Variants in HS1BP3 observed in about 807,000 individuals in gnomAD.
HS1BP3 encodes the protein HCLS1-binding protein 3.
HS1BP3 carries 32 observed loss-of-function variants against 33.5 expected under a neutral mutation model. The observed-to-expected ratio is 0.95, with a 90% CI of 0.72 to 1.28. The LOEUF (loss-of-function observed/expected upper bound fraction) is 1.28. HS1BP3 is among the 50% of genes most tolerant of loss of function. The pLI is 0.00. For missense variants in HS1BP3, 486 were observed against 502.3 expected, an observed-to-expected ratio of 0.97 and a Z score of 0.31; for synonymous variants, 187 against 209.2, an observed-to-expected ratio of 0.89 and a Z score of 0.92.
intron 5 of HS1BP3, among the ~76,000 whole-genome samples, chr2:20,567,625 C>T (rs553158447): frequency 6.6e-6 from 1 of 152,292 alleles, no homozygotes; most frequent in African/African-American, 2.4e-5. Context: ...ACTAGGACCC[C>T]AAAGAATGCC....
intron 2 of HS1BP3, among the ~76,000 whole-genome samples, chr2:20,601,699 C>T (rs1369806233): frequency 6.6e-6 from 1 of 151,760 alleles, no homozygotes; most frequent in African/African-American, 2.4e-5. Flanking sequence ...TGAGGCCTCC[C>T]CAGCCATGTG....
At chr2:20,625,692 C>T (rs932654714) in intron 4 of HS1BP3, among the ~76,000 whole-genome samples, 11 of 152,162 alleles carry the variant, frequency 7.2e-5, no homozygotes, top group African/African-American at 1.9e-4. Context: ...GTGCACTTGC[C>T]GACTGGCTGA....
At chr2:20,640,650 G>A (rs1695309530) in intron 3 of HS1BP3, 2 of 534,318 alleles carry the variant, frequency 3.7e-6, no homozygotes, top group African/African-American at 1.9e-5. Flanking sequence ...TCAGGGGGTT[G>A]TATGTGGTGC....
intron 4 of HS1BP3, among the ~76,000 whole-genome samples, chr2:20,630,113 G>A (rs1694925463): frequency 6.6e-6 from 1 of 152,228 alleles, no homozygotes; most frequent in African/African-American, 2.4e-5. Context: ...CCACAACTGA[G>A]ACACATGGAC....
chr2:20,593,317 G>T (rs4666434), intron 3 of HS1BP3, among the ~76,000 whole-genome samples: 118 of 152,158 alleles, frequency 7.8e-4, no homozygotes, highest in African/African-American at 2.4e-3. Context: ...CACACGTGCC[G>T]GCCTTCTCCT....
chr2:20,634,877 G>T (rs1272832544), intron 4 of HS1BP3: 1 of 152,254 alleles, frequency 6.6e-6, no homozygotes, highest in Non-Finnish European at 1.5e-5. Flanking sequence ...GGACCCGGGT[G>T]TGGGCTCCCC....
At chr2:20,644,483 A>G (rs753425290) in intron 2 of HS1BP3, among the ~76,000 whole-genome samples, 35 of 152,214 alleles carry the variant, frequency 2.3e-4, no homozygotes, top group Admixed American at 1.7e-3. Flanking sequence ...AGCCTCATGT[A>G]TCCATCCACA....
chr2:20,589,291 C>T (rs866126012), downstream of HS1BP3, among the ~76,000 whole-genome samples: 6 of 152,216 alleles, frequency 3.9e-5, 1 homozygote, highest in African/African-American at 7.2e-5. Context: ...CACCCTGCAG[C>T]GTGCCAATGT....
intron 2 of HS1BP3, chr2:20,606,592 G>A (rs1001909311): frequency 1.4e-5 from 7 of 484,988 alleles, no homozygotes; most frequent in Non-Finnish European, 2.5e-5. Flanking sequence ...TGCTCACTGG[G>A]TCTTTGTCTT....
rs576265957 is a variant in HS1BP3 at position 20,618,826 on chromosome 2, C to A, written c.*161G>T. On this transcript the variant is annotated 3_prime_UTR_variant, in exon 7 of 7. Transcript: ENST00000304031. The stretch of plus-strand genomic sequence containing the variant: ...GGCTTCTACTTTGGCCCCACAGCCC[C>A]GGAGAAAATGGAACCATGCAGTTCT... 69 of 1,422,422 alleles carry A rather than the reference C, an allele frequency of 4.9e-5. No individual in the cohort carries two copies. Among genetic ancestry groups the A allele is most frequent in the Admixed American group, 6.2e-5 (2 of 32,166 alleles). 88.1% of individuals were successfully genotyped at this position (1,422,422 alleles called of 1,614,324 possible).
chr2:20,619,365 C>G lies in HS1BP3; in HGVS notation c.921-120G>C, dbSNP rs948299227. 6.3e-5 allele frequency: 53 copies of G among 845,916 alleles called. No individual in the cohort carries two copies. In the African/African-American group the frequency reaches 7.0e-4, roughly 11 times the overall value. 52.4% of individuals were successfully genotyped at this position (845,916 alleles called of 1,614,324 possible). A position where few individuals can be genotyped will look rare whatever the true frequency, so the allele number is the denominator to read the frequency against. On this transcript the variant is annotated intron_variant, in intron 6 of 6. Transcript: ENST00000304031. ...CAGCGGCAGGGAGCCCAGCCTCGGC[C>G]AGGTCAAGGCCCCGCCCTGCTCTGC...
intron 2 of HS1BP3, among the ~76,000 whole-genome samples, chr2:20,644,026 T>C (rs1695440303): frequency 6.6e-6 from 1 of 152,204 alleles, no homozygotes; most frequent in Non-Finnish European, 1.5e-5. Flanking sequence ...TCGTTTCCCT[T>C]TTTATCTTGG....
In HS1BP3 at chr2:20,647,821, G is replaced by A. The variant is rs185186815; in HGVS notation, c.33-2316C>T. On this transcript the variant is annotated intron_variant, in intron 1 of 6. Coordinates refer to ENST00000304031, the MANE Select transcript of HS1BP3 (RefSeq NM_022460.4). Reference sequence around the variant, plus strand: ...CCAAGCTTCTCCAACTGTAATGTGCGTGCAACCCCCTGGGGATCCTGTTAA... The same window carrying A: ...CCAAGCTTCTCCAACTGTAATGTGCATGCAACCCCCTGGGGATCCTGTTAA... 2.4e-4 allele frequency among the ~76,000 whole-genome samples: 36 copies of A among 152,294 alleles called. No individual in the cohort carries two copies. In the East Asian group the frequency reaches 4.1e-3, roughly 17 times the overall value.
chr2:20,559,001 A>G (rs1439087239), downstream of HS1BP3, among the ~76,000 whole-genome samples: 3 of 152,186 alleles, frequency 2.0e-5, no homozygotes, highest in African/African-American at 7.2e-5. Flanking sequence ...GGCTGGCCGC[A>G]GAGCAGGGCT....
chr2:20,594,507 C>T (rs1274967816), intron 3 of HS1BP3, among the ~76,000 whole-genome samples: 1 of 152,168 alleles, frequency 6.6e-6, no homozygotes, highest in Non-Finnish European at 1.5e-5. Flanking sequence ...AGTTGCAGGG[C>T]AGTTAGGCTA....
intron 2 of HS1BP3, among the ~76,000 whole-genome samples, chr2:20,599,331 GC>G (rs1305506583): frequency 6.6e-6 from 1 of 152,226 alleles, no homozygotes; most frequent in African/African-American, 2.4e-5. Context: ...TGGCAATCCT[GC>G]CAGCCACAGG....
chr2:20,575,983 C>CTTTGT (rs138896250), intron 5 of HS1BP3, among the ~76,000 whole-genome samples: 4,953 of 152,032 alleles, frequency 0.033, 261 homozygotes, highest in African/African-American at 0.11. Context: ...CCATTTCCAT[C>CTTTGT]TTTGTTTTGT....
intron 2 of HS1BP3, among the ~76,000 whole-genome samples, chr2:20,607,973 T>C (rs745670424): frequency 6.6e-5 from 10 of 152,236 alleles, no homozygotes; most frequent in Non-Finnish European, 1.3e-4. Flanking sequence ...CCCCTCCCTT[T>C]GTTAAATTCA....
In HS1BP3 at chr2:20,651,084, G is replaced by C; in HGVS notation, c.-21C>G. 8.1e-7 allele frequency: 1 copy of C among 1,229,878 alleles called. No individual in the cohort carries two copies. Among genetic ancestry groups the C allele is most frequent in the Non-Finnish European group, 1.0e-6 (1 of 986,566 alleles). The allele number at this position is 1,229,878 out of a possible 1,614,324, so 76.2% of individuals were successfully genotyped here. On this transcript the variant is annotated 5_prime_UTR_variant, in exon 1 of 7. Transcript: ENST00000304031. ...TGCATGACGGCGGCGGGGACTCCGG[G>C]CGGGGCGCGCAGTCACGGGACCCGG...
Sources: gnomAD v4.1 joint callset for allele counts (sites outside exome capture counted in the v4.1 genomes callset) on GRCh38, gnomAD v4.1.1 for gene constraint, MANE v1.5 for transcripts, NCBI Gene and HGNC (gene_info 2026-07-23, HGNC 2026-07-21) for gene names.